Variants in RNF180 observed in about 807,000 individuals in gnomAD.
RNF180 encodes the protein ring finger protein 180, also known as E3 ubiquitin-protein ligase RNF180.
In RNF180, 38 loss-of-function variants were observed where a neutral mutation model predicts 59.2. The observed-to-expected ratio is 0.64, with a 90% CI of 0.50 to 0.84. The LOEUF is 0.84. Ranked by LOEUF, RNF180 falls within the 40% of genes least tolerant of loss-of-function variation. The pLI, the probability that RNF180 is intolerant of heterozygous loss-of-function variation, is 0.00. For missense variants in RNF180, 705 were observed against 700.9 expected (o/e 1.01, Z -0.07); for synonymous variants, 262 against 240.3 (o/e 1.09, Z -0.84).
intron 1 of RNF180, among the ~76,000 whole-genome samples, chr5:64,195,620 A>C (rs1396509554): frequency 6.6e-6 from 1 of 152,248 alleles, no homozygotes; most frequent in Non-Finnish European, 1.5e-5. Context: ...TTAATTGCCT[A>C]TGGCATATTT....
rs9291808 is a variant in RNF180 at position 64,370,452 on chromosome 5, C to A, written c.*638C>A. On this transcript the variant is annotated 3_prime_UTR_variant, in exon 8 of 8. Transcript: ENST00000389100. ...TAATCCCTACCAATAAACACTTTAG[C>A]TAGCTATAAACACTTTCCAGATTGA... 0.61 allele frequency: 91,359 copies of A among 150,710 alleles called. 28,479 individuals carry two copies. The highest frequency in any genetic ancestry group is 0.78 in the East Asian group (3,993 of 5,088). 9.3% of individuals were successfully genotyped at this position (150,710 alleles called of 1,614,324 possible). A position where few individuals can be genotyped will look rare whatever the true frequency, so the allele number is the denominator to read the frequency against.
intron 5 of RNF180, among the ~76,000 whole-genome samples, chr5:64,294,928 C>T (rs539132454): frequency 5.9e-5 from 9 of 152,128 alleles, no homozygotes; most frequent in East Asian, 1.9e-4. Flanking sequence ...ATTCCCCTCT[C>T]GTTCAATTTT....
At chr5:64,310,764 A>G (rs1743724861) in intron 5 of RNF180, among the ~76,000 whole-genome samples, 1 of 151,870 alleles carries the variant, frequency 6.6e-6, no homozygotes, top group African/African-American at 2.4e-5. Flanking sequence ...CATCTGCCTC[A>G]ATCTGGAAGG....
Position 64,327,799 on chromosome 5 carries a change from T to A in RNF180, c.1453+2388T>A, listed in dbSNP as rs543700297. Among the ~76,000 whole-genome samples, 7 of 152,304 alleles carry A rather than the reference T, an allele frequency of 4.6e-5. No homozygotes were observed. The South Asian group carries it at 1.4e-3, about 32-fold the overall frequency. ...TCTGCTAAGTCCATTGGGTCTGTGGTGCAGCTTAAATCCAATGTTTGTTAA... is the reference window on the plus strand; with the variant it reads ...TCTGCTAAGTCCATTGGGTCTGTGGAGCAGCTTAAATCCAATGTTTGTTAA... On this transcript the variant is annotated intron_variant, in intron 6 of 7. Coordinates refer to ENST00000389100, the MANE Select transcript of RNF180 (RefSeq NM_001113561.2).
At chr5:64,285,876 C>T (rs1238622341) in intron 5 of RNF180, among the ~76,000 whole-genome samples, 1 of 152,182 alleles carries the variant, frequency 6.6e-6, no homozygotes, top group African/African-American at 2.4e-5. Context: ...GTGCTCCTCA[C>T]AGGCTGGAGT....
At chr5:64,177,691 A>T (rs893559074) in intron 1 of RNF180, among the ~76,000 whole-genome samples, 1 of 151,838 alleles carries the variant, frequency 6.6e-6, no homozygotes, top group African/African-American at 2.4e-5. Context: ...ATAAAGCATA[A>T]CTTAGTAATG....
chr5:64,234,359 A>C (rs1742276653), intron 5 of RNF180, among the ~76,000 whole-genome samples: 1 of 151,786 alleles, frequency 6.6e-6, no homozygotes, highest in Admixed American at 6.6e-5. Flanking sequence ...CCAGCTACTC[A>C]GGACGTTGAG....
intron 6 of RNF180, among the ~76,000 whole-genome samples, chr5:64,329,893 T>C (rs1432835953): frequency 1.3e-5 from 2 of 152,228 alleles, no homozygotes; most frequent in Non-Finnish European, 2.9e-5. Flanking sequence ...GCTCACCTCC[T>C]GCTGTGTGGC....
At chr5:64,310,487 G>T (rs1467627210) in intron 5 of RNF180, among the ~76,000 whole-genome samples, 5 of 145,754 alleles carry the variant, frequency 3.4e-5, no homozygotes, top group African/African-American at 2.5e-5. Context: ...CATATTTTAG[G>T]TTTTTGTTAT....
In RNF180 at chr5:64,351,050, G is replaced by A. The variant is rs1269085553; in HGVS notation, c.1580-18565G>A. 3.9e-5 allele frequency among the ~76,000 whole-genome samples: 6 copies of A among 151,976 alleles called. No individual in the cohort carries two copies. In the East Asian group the frequency reaches 1.2e-3, roughly 30 times the overall value. On this transcript the variant is annotated intron_variant, in intron 7 of 7. Coordinates refer to ENST00000389100, the MANE Select transcript of RNF180 (RefSeq NM_001113561.2). ...TTCTTCCTATCCATGAGCATGGAAT[G>A]TTCTTCCATTTGTTTGTGTCCTCTT...
At chr5:64,328,585 G>T (rs934254738) in intron 6 of RNF180, among the ~76,000 whole-genome samples, 8 of 152,188 alleles carry the variant, frequency 5.3e-5, no homozygotes, top group African/African-American at 1.9e-4. Flanking sequence ...TCTCTAACTT[G>T]TATGCTGGTT....
intron 5 of RNF180, among the ~76,000 whole-genome samples, chr5:64,324,770 C>T (rs1443379778): frequency 3.3e-5 from 5 of 152,308 alleles, no homozygotes; most frequent in Admixed American, 6.5e-5. Context: ...ATGACGTCTT[C>T]TGCCTTCACT....
chr5:64,274,497 T>C (rs1741603815), intron 5 of RNF180, among the ~76,000 whole-genome samples: 1 of 152,048 alleles, frequency 6.6e-6, no homozygotes. Context: ...TGGGCATTGT[T>C]TCTGTATGTC....
chr5:64,368,557 C>T (rs1218052372), intron 7 of RNF180, among the ~76,000 whole-genome samples: 3 of 151,762 alleles, frequency 2.0e-5, no homozygotes, highest in East Asian at 3.9e-4. Flanking sequence ...GAAGAGGCTA[C>T]TCATCTGACA....
chr5:64,283,325 T>C (rs550876976), intron 5 of RNF180, among the ~76,000 whole-genome samples: 1 of 152,330 alleles, frequency 6.6e-6, no homozygotes, highest in South Asian at 2.1e-4. Flanking sequence ...GTTTACTTGG[T>C]AGATTTTTCT....
At chr5:64,291,476 G>A (rs2112425049) in intron 5 of RNF180, among the ~76,000 whole-genome samples, 1 of 139,458 alleles carries the variant, frequency 7.2e-6, no homozygotes, top group Admixed American at 7.5e-5. Flanking sequence ...CCAGGCTGGA[G>A]TGCAGTGGTG....
intron 1 of RNF180, among the ~76,000 whole-genome samples, chr5:64,193,121 G>A (rs533406241): frequency 1.3e-5 from 2 of 151,500 alleles, no homozygotes; most frequent in Admixed American, 6.6e-5. Flanking sequence ...TGTGACTGTC[G>A]GGATGGGGGA....
At chr5:64,316,952 T>C (rs1744070658) in intron 5 of RNF180, among the ~76,000 whole-genome samples, 2 of 152,206 alleles carry the variant, frequency 1.3e-5, no homozygotes, top group Admixed American at 6.5e-5. Context: ...GTAGGCCCTG[T>C]TGGGACCCAG....
chr5:64,196,787 G>A (rs1023750726), intron 1 of RNF180, among the ~76,000 whole-genome samples: 1 of 151,912 alleles, frequency 6.6e-6, no homozygotes, highest in South Asian at 2.1e-4. Flanking sequence ...ATTTTGAGGA[G>A]CTGTTTTTTC....
Sources: gnomAD v4.1 joint callset for allele counts (sites outside exome capture counted in the v4.1 genomes callset) on GRCh38, gnomAD v4.1.1 for gene constraint, MANE v1.5 for transcripts, NCBI Gene and HGNC (gene_info 2026-07-23, HGNC 2026-07-21) for gene names.